CHCHD4: variants seen among roughly 807,000 people sequenced by gnomAD.
CHCHD4 encodes mitochondrial intermembrane space import and assembly protein 40.
In CHCHD4, 7 loss-of-function variants were observed where a neutral mutation model predicts 12.4. The observed-to-expected ratio is 0.57, with a 90% CI of 0.32 to 1.06. CHCHD4 has a LOEUF of 1.06. Ranked by LOEUF, CHCHD4 falls within the 50% of genes least tolerant of loss-of-function variation. The probability of loss-of-function intolerance (pLI) is 0.04; values close to 1 mark genes in which losing one functional copy is unlikely to be tolerated. For missense variants in CHCHD4, 143 were observed against 175.1 expected (o/e 0.82, Z 1.03); for synonymous variants, 56 against 58.0 (o/e 0.97, Z 0.16).
intron 1 of CHCHD4, among the ~76,000 whole-genome samples, chr3:14,122,924 G>T (rs1249272624): frequency 1.3e-5 from 2 of 152,104 alleles, no homozygotes; most frequent in African/African-American, 2.4e-5. Flanking sequence ...GGCAGCAAAA[G>T]GGTGGGAAGA....
At chr3:14,114,032 T>C (rs1443048977) in intron 2 of CHCHD4, among the ~76,000 whole-genome samples, 2 of 152,220 alleles carry the variant, frequency 1.3e-5, no homozygotes, top group African/African-American at 2.4e-5. Flanking sequence ...TCTTACATGA[T>C]TCTTATTAAG....
chr3:14,114,487 C>T lies in CHCHD4; in HGVS notation c.122-1293G>A, dbSNP rs150576893. 7.8e-3 allele frequency among the ~76,000 whole-genome samples: 1,192 copies of T among 152,220 alleles called. 22 individuals are homozygous for T. The highest frequency in any genetic ancestry group is 0.027 in the African/African-American group (1,111 of 41,536). ...TGACAGGATTCCCAGAGTCCATGCCCCTTCCCCTACATCTCACCACTTCTT... is the reference window on the plus strand; with the variant it reads ...TGACAGGATTCCCAGAGTCCATGCCTCTTCCCCTACATCTCACCACTTCTT... On this transcript the variant is annotated intron_variant, in intron 2 of 2. Transcript: ENST00000396914.
At chr3:14,124,042 C>T (rs1045406073) in intron 1 of CHCHD4, among the ~76,000 whole-genome samples, 7 of 152,232 alleles carry the variant, frequency 4.6e-5, no homozygotes, top group African/African-American at 1.7e-4. Context: ...GCCATGTCTC[C>T]TGTGTCTAAC....
chr3:14,117,814 C>T (rs1694891703), intron 1 of CHCHD4, among the ~76,000 whole-genome samples: 1 of 152,190 alleles, frequency 6.6e-6, no homozygotes, highest in Non-Finnish European at 1.5e-5. Context: ...CTGGGCCACA[C>T]AGGACAGGAT....
chr3:14,121,183 T>C (rs866920132), intron 1 of CHCHD4, among the ~76,000 whole-genome samples: 23 of 152,274 alleles, frequency 1.5e-4, no homozygotes, highest in African/African-American at 5.1e-4. Flanking sequence ...CCCAAGAGAC[T>C]TTCCCCCCAC....
chr3:14,121,770 C>G (rs1443932749), intron 1 of CHCHD4: 171 of 1,407,646 alleles, frequency 1.2e-4, no homozygotes, highest in Non-Finnish European at 1.5e-4. Context: ...ATAAATCTGA[C>G]TGCTAAGGAC....
Position 14,116,561 on chromosome 3 carries a change from C to A in CHCHD4, c.23-37G>T, listed in dbSNP as rs763539550. ...AGAACAGAGGAAGAAATATTTCATT[C>A]AAGAGCAGTGAATCAGCTTTAAACC... is the stretch of plus-strand genomic sequence containing the variant. On this transcript the variant is annotated intron_variant, in intron 1 of 2. Transcript: ENST00000396914. 4.1e-5 allele frequency: 60 copies of A among 1,480,168 alleles called. No homozygotes were observed. In the South Asian group the frequency reaches 6.8e-4, roughly 17 times the overall value. 91.7% of individuals were successfully genotyped at this position (1,480,168 alleles called of 1,614,324 possible).
At chr3:14,124,134 G>A (rs1415523062) in intron 1 of CHCHD4, among the ~76,000 whole-genome samples, 2 of 152,242 alleles carry the variant, frequency 1.3e-5, no homozygotes, top group African/African-American at 4.8e-5. Context: ...AGCCAGGCAA[G>A]TTTCCTTGAA....
At chr3:14,121,416 C>CA (rs900927492) in intron 1 of CHCHD4, among the ~76,000 whole-genome samples, 2 of 152,054 alleles carry the variant, frequency 1.3e-5, no homozygotes, top group African/African-American at 2.4e-5. Context: ...TGAGTGAGAC[C>CA]AAAAAATCCC....
chr3:14,119,460 C>T (rs1263570263), intron 1 of CHCHD4: 1 of 138,508 alleles, frequency 7.2e-6, no homozygotes, highest in Non-Finnish European at 1.5e-5. Flanking sequence ...TTTTAAAAGT[C>T]GATTCAAGGA....
chr3:14,118,940 G>A (rs1694904674), intron 1 of CHCHD4, among the ~76,000 whole-genome samples: 1 of 152,346 alleles, frequency 6.6e-6, no homozygotes, highest in Non-Finnish European at 1.5e-5. Flanking sequence ...GGGTCCAAAC[G>A]TGGTAAAGTA....
rs1694986604 is a variant in CHCHD4, at chr3:14,124,683, A to T, written c.-7T>A. ...CCTGCCGGCAATAGGACATGGCTGC[A>T]GCCCGTCCCTGAGACCTTGCAGAAG... On this transcript the variant is annotated 5_prime_UTR_variant, in exon 1 of 3. Coordinates refer to ENST00000396914, the MANE Select transcript of CHCHD4 (RefSeq NM_001098502.2). The T allele has an allele frequency of 3.3e-6, 5 of 1,528,900 alleles. No homozygotes were observed. The East Asian group carries it at 1.3e-4, about 40-fold the overall frequency. 94.7% of individuals were successfully genotyped at this position (1,528,900 alleles called of 1,614,324 possible). A position where few individuals can be genotyped will look rare whatever the true frequency, so the allele number is the denominator to read the frequency against.
Position 14,112,501 on chromosome 3 carries a change from T to C in CHCHD4, c.*386A>G, listed in dbSNP as rs894817183. ...TTTAAGAGATGTTTTTGTTGTATTA[T>C]TTCCCCAAGGGGTATAAAATCTACC... On this transcript the variant is annotated 3_prime_UTR_variant, in exon 3 of 3. Coordinates refer to ENST00000396914, the MANE Select transcript of CHCHD4 (RefSeq NM_001098502.2). 5.9e-6 allele frequency: 1 copy of C among 170,202 alleles called. No individual in the cohort carries two copies. Among genetic ancestry groups the C allele is most frequent in the Non-Finnish European group, 1.3e-5 (1 of 79,544 alleles). 10.5% of individuals were successfully genotyped at this position (170,202 alleles called of 1,614,324 possible). A position where few individuals can be genotyped will look rare whatever the true frequency, so the allele number is the denominator to read the frequency against.
At chr3:14,121,580 A>G (rs575108472) in intron 1 of CHCHD4, among the ~76,000 whole-genome samples, 8 of 152,324 alleles carry the variant, frequency 5.3e-5, no homozygotes, top group African/African-American at 1.9e-4. Flanking sequence ...GTCATGTTTG[A>G]GAATGGCAAC....
rs955652020 is a variant in CHCHD4 at position 14,112,359 on chromosome 3, A to G, written c.*528T>C. ...GAGCTCAACACCTACATGGAAACCAAAATGTATCAGGAATAAAGTACAGTA... is the reference window on the plus strand; with the variant it reads ...GAGCTCAACACCTACATGGAAACCAGAATGTATCAGGAATAAAGTACAGTA... On this transcript the variant is annotated 3_prime_UTR_variant, in exon 3 of 3. Transcript: ENST00000396914. 6.6e-6 allele frequency: 1 copy of G among 152,554 alleles called. No homozygotes were observed. Among genetic ancestry groups the G allele is most frequent in the Non-Finnish European group, 1.5e-5 (1 of 68,180 alleles). 9.5% of individuals were successfully genotyped at this position (152,554 alleles called of 1,614,324 possible).
intron 1 of CHCHD4, among the ~76,000 whole-genome samples, chr3:14,118,544 G>A (rs1237477078): frequency 6.6e-6 from 1 of 152,210 alleles, no homozygotes; most frequent in Non-Finnish European, 1.5e-5. Flanking sequence ...ACACTGCACA[G>A]GGTCTCTTAC....
chr3:14,121,028 A>G (rs531738643), intron 1 of CHCHD4, among the ~76,000 whole-genome samples: 4 of 152,262 alleles, frequency 2.6e-5, no homozygotes, highest in African/African-American at 4.8e-5. Flanking sequence ...GTCTGTTTCC[A>G]TACATCTTTC....
At chr3:14,118,939 C>T (rs1335984891) in intron 1 of CHCHD4, among the ~76,000 whole-genome samples, 6 of 152,334 alleles carry the variant, frequency 3.9e-5, no homozygotes, top group Non-Finnish European at 5.9e-5. Flanking sequence ...AGGGTCCAAA[C>T]GTGGTAAAGT....
Position 14,116,516 on chromosome 3 carries a change from G to A in CHCHD4, c.31C>T (p.Arg11Ter), listed in dbSNP as rs780015260. Residue 11 changes from arginine (R) to a stop codon, truncating the protein, a stop_gained, in exon 2 of 3, where the codon CGA (arginine) becomes TGA (stop). Coordinates refer to ENST00000396914, the MANE Select transcript of CHCHD4 (RefSeq NM_001098502.2). LOFTEE classifies it high-confidence loss of function. ...TCTTCTTTGGTTACAAATATGATTC[G>A]ATCCTTCCCTAGTGTTTGGAGAACA... MSYCRQEGKD[R>*]IIFVTKEDHE... The A allele has an allele frequency of 1.2e-6, 2 of 1,607,568 alleles. No homozygotes were observed. The highest frequency in any genetic ancestry group is 8.5e-7 in the Non-Finnish European group (1 of 1,174,020).
Sources: gnomAD v4.1 joint callset for allele counts (sites outside exome capture counted in the v4.1 genomes callset) on GRCh38, gnomAD v4.1.1 for gene constraint, MANE v1.5 for transcripts, NCBI Gene and HGNC (gene_info 2026-07-23, HGNC 2026-07-21) for gene names.